NEBL: variants seen among roughly 807,000 people sequenced by gnomAD.
The protein encoded by NEBL is nebulette, also known as LIM and SH3 protein 2.
NEBL carries 122 observed loss-of-function variants against 140.2 expected under a neutral mutation model. That is an observed-to-expected ratio of 0.87 (90% CI 0.75 to 1.01). The LOEUF is 1.01. Ranked by LOEUF, NEBL falls within the 50% of genes least tolerant of loss-of-function variation. The pLI, the probability that NEBL is intolerant of heterozygous loss-of-function variation, is 0.00. For missense variants in NEBL, 1,365 were observed against 1,231.3 expected, an observed-to-expected ratio of 1.11 and a Z score of -1.62; for synonymous variants, 436 against 398.9, an observed-to-expected ratio of 1.09 and a Z score of -1.11.
chr10:21,272,448 G>T (rs1479140919), intron 1 of NEBL, among the ~76,000 whole-genome samples: 1 of 151,976 alleles, frequency 6.6e-6, no homozygotes, highest in African/African-American at 2.4e-5. Flanking sequence ...AATTAGCCAG[G>T]CATGATGGTG....
chr10:21,101,565 C>A (rs1837478606), intron 2 of NEBL, among the ~76,000 whole-genome samples: 1 of 152,198 alleles, frequency 6.6e-6, no homozygotes, highest in Non-Finnish European at 1.5e-5. Flanking sequence ...TTTCCCAGAG[C>A]AGAGCCCCTG....
intron 4 of NEBL, among the ~76,000 whole-genome samples, chr10:20,909,309 C>T (rs1848232738): frequency 1.3e-5 from 2 of 151,662 alleles, no homozygotes; most frequent in Admixed American, 1.3e-4. Flanking sequence ...CTACCCTTTC[C>T]AGTCTCTGGT....
chr10:20,818,646 T>A (rs932452255), intron 20 of NEBL: 28 of 279,328 alleles, frequency 1.0e-4, no homozygotes, highest in Non-Finnish European at 1.5e-4. Flanking sequence ...ACTGCATTTT[T>A]TTAAAGAGAT....
chr10:21,020,316 G>A, intron 2 of NEBL: 2 of 884,740 alleles, frequency 2.3e-6, no homozygotes, highest in East Asian at 2.6e-5. Context: ...AGTGGAAGAG[G>A]GACCTGAGCT....
Position 20,923,693 on chromosome 10 carries a change from A to G in NEBL, c.357+37979T>C, listed in dbSNP as rs567323736. Among the ~76,000 whole-genome samples, 659 of 148,218 alleles carry G rather than the reference A, an allele frequency of 4.4e-3. 11 individuals carry two copies. The highest frequency in any genetic ancestry group is 0.016 in the African/African-American group (626 of 39,574). Reference sequence around the variant, plus strand: ...AAAAAAAAAAAAAAAAAAAAAAAAAAAAAGAAATGGTTTCTTGACATGCTA... The same window carrying G: ...AAAAAAAAAAAAAAAAAAAAAAAAAGAAAGAAATGGTTTCTTGACATGCTA... On this transcript the variant is annotated intron_variant, in intron 4 of 6. Transcript: ENST00000417816.
chr10:21,211,472 A>G (rs1841914215), intron 3 of NEBL, among the ~76,000 whole-genome samples: 1 of 152,180 alleles, frequency 6.6e-6, no homozygotes, highest in Admixed American at 6.6e-5. Context: ...CTCTATCACA[A>G]AAGAAAAACA....
chr10:20,811,147 T>C (rs927591304), intron 24 of NEBL, among the ~76,000 whole-genome samples: 1 of 152,322 alleles, frequency 6.6e-6, no homozygotes, highest in African/African-American at 2.4e-5. Context: ...TTCTTCCCAA[T>C]AAGAACAAAT....
intron 3 of NEBL, among the ~76,000 whole-genome samples, chr10:21,244,670 C>T (rs2132267653): frequency 6.6e-6 from 1 of 151,052 alleles, no homozygotes; most frequent in Non-Finnish European, 1.5e-5. Flanking sequence ...TAAAATTAAA[C>T]TAAAAATTTT....
intron 3 of NEBL, among the ~76,000 whole-genome samples, chr10:21,206,699 G>A (rs750864278): frequency 1.8e-4 from 28 of 152,282 alleles, no homozygotes; most frequent in Non-Finnish European, 3.8e-4. Context: ...TAGGGTTTTC[G>A]AGAGTTTGGG....
chr10:21,141,397 A>C (rs1038673314), intron 2 of NEBL, among the ~76,000 whole-genome samples: 13 of 152,226 alleles, frequency 8.5e-5, no homozygotes, highest in African/African-American at 2.9e-4. Flanking sequence ...TTTCAGGAGA[A>C]AAAAATAGCA....
chr10:20,843,293 A>G (rs1177343088), intron 12 of NEBL, among the ~76,000 whole-genome samples: 3 of 152,086 alleles, frequency 2.0e-5, no homozygotes, highest in Non-Finnish European at 4.4e-5. Context: ...CAGTCTCCAG[A>G]ACTTTGAGAA....
chr10:21,260,345 A>G lies in NEBL; in HGVS notation n.183-8517T>C, dbSNP rs1271270433. Among the ~76,000 whole-genome samples, 4 of 152,152 alleles carry G rather than the reference A, an allele frequency of 2.6e-5. No homozygotes were observed. In the East Asian group the frequency reaches 7.7e-4, roughly 29 times the overall value. Reference sequence around the variant, plus strand: ...AAGCCCAGGGCCTGTGGTGTGCCAAATTTGCTAACAGGGCCTGCGGATTCC... The same window carrying G: ...AAGCCCAGGGCCTGTGGTGTGCCAAGTTTGCTAACAGGGCCTGCGGATTCC... On this transcript the variant is annotated intron_variant and non_coding_transcript_variant, in intron 1 of 8. Transcript: ENST00000675702.
chr10:21,142,105 C>T (rs558800329), intron 2 of NEBL, among the ~76,000 whole-genome samples: 2 of 152,268 alleles, frequency 1.3e-5, no homozygotes, highest in South Asian at 2.1e-4. Context: ...CTTGTAGGAA[C>T]AACAATTCTC....
At chr10:20,829,133 T>G (rs559349769) in intron 16 of NEBL, among the ~76,000 whole-genome samples, 3 of 152,194 alleles carry the variant, frequency 2.0e-5, no homozygotes, top group African/African-American at 7.2e-5. Flanking sequence ...AAGTACTAGA[T>G]AGTAAGTATC....
intron 2 of NEBL, among the ~76,000 whole-genome samples, chr10:21,153,666 C>T (rs1219443997): frequency 6.6e-6 from 1 of 152,118 alleles, no homozygotes; most frequent in Admixed American, 6.5e-5. Context: ...CAGATGCACA[C>T]CACCACAACC....
intron 2 of NEBL, among the ~76,000 whole-genome samples, chr10:21,091,139 C>A (rs552834283): frequency 1.3e-5 from 2 of 152,214 alleles, no homozygotes; most frequent in African/African-American, 4.8e-5. Context: ...TCCATCATCT[C>A]TTTCCTGGCT....
At chr10:21,057,952 C>A (rs1255431405) in intron 2 of NEBL, among the ~76,000 whole-genome samples, 1 of 152,112 alleles carries the variant, frequency 6.6e-6, no homozygotes, top group African/African-American at 2.4e-5. Context: ...ATCGTGAACA[C>A]CAGCTTACTC....
intron 1 of NEBL, among the ~76,000 whole-genome samples, chr10:21,267,591 G>T (rs1256040897): frequency 6.6e-6 from 1 of 152,188 alleles, no homozygotes; most frequent in Non-Finnish European, 1.5e-5. Context: ...TCTCCTTGGA[G>T]ACACCCCTCT....
intron 3 of NEBL, among the ~76,000 whole-genome samples, chr10:20,997,593 C>T (rs917860930): frequency 5.5e-5 from 8 of 145,894 alleles, no homozygotes; most frequent in African/African-American, 2.0e-4. Context: ...TCAACCAGTT[C>T]CTAACAAAGT....
Sources: gnomAD v4.1 joint callset for allele counts (sites outside exome capture counted in the v4.1 genomes callset) on GRCh38, gnomAD v4.1.1 for gene constraint, MANE v1.5 for transcripts, NCBI Gene and HGNC (gene_info 2026-07-23, HGNC 2026-07-21) for gene names.